The following FBXL7 variants were observed in gnomAD, a reference collection of about 807,000 sequenced individuals.
FBXL7 encodes the protein F-box and leucine rich repeat protein 7.
In FBXL7, 12 loss-of-function variants were observed where a neutral mutation model predicts 38.3. The ratio of observed to expected loss-of-function variants is 0.31; its 90% CI spans 0.20 to 0.51. The LOEUF is 0.51. Ranked by LOEUF, FBXL7 falls within the 20% of genes least tolerant of loss-of-function variation. The probability of loss-of-function intolerance (pLI) is 0.98; values close to 1 mark genes in which losing one functional copy is unlikely to be tolerated. For missense variants in FBXL7, 567 were observed against 676.4 expected (o/e 0.84, Z 1.79); for synonymous variants, 297 against 300.9 (o/e 0.99, Z 0.13).
chr5:15,580,978 A>T (rs1413544605), intron 1 of FBXL7, among the ~76,000 whole-genome samples: 1 of 152,132 alleles, frequency 6.6e-6, no homozygotes, highest in South Asian at 2.1e-4. Flanking sequence ...TTACGCCAAC[A>T]CCAGTCATGG....
At chr5:15,840,648 A>C (rs562260732) in intron 2 of FBXL7, among the ~76,000 whole-genome samples, 2 of 152,066 alleles carry the variant, frequency 1.3e-5, no homozygotes, top group Non-Finnish European at 1.5e-5. Flanking sequence ...AGGGATGGAG[A>C]CCATCCTGGC....
intron 1 of FBXL7, among the ~76,000 whole-genome samples, chr5:15,610,664 T>TGTATCCAACATAGGTATC (rs1488844907): frequency 6.6e-6 from 1 of 152,166 alleles, no homozygotes; most frequent in Non-Finnish European, 1.5e-5. Context: ...GAAGAGCATA[T>TGTATCCAACATAGGTATC]CATGGTATCC....
intron 2 of FBXL7, among the ~76,000 whole-genome samples, chr5:15,870,237 T>A (rs1739896503): frequency 6.6e-6 from 1 of 151,840 alleles, no homozygotes; most frequent in Admixed American, 6.6e-5. Flanking sequence ...TGAGCCAGGG[T>A]TGAGTTTAAA....
intron 2 of FBXL7, among the ~76,000 whole-genome samples, chr5:15,840,972 A>C (rs1214914968): frequency 6.6e-6 from 1 of 152,032 alleles, no homozygotes; most frequent in Admixed American, 6.6e-5. Flanking sequence ...CACACTTACT[A>C]GTCAATTAAG....
intron 2 of FBXL7, among the ~76,000 whole-genome samples, chr5:15,875,457 T>C (rs1740160104): frequency 6.6e-6 from 1 of 151,984 alleles, no homozygotes; most frequent in East Asian, 1.9e-4. Flanking sequence ...ATCATCAGAG[T>C]GAACAGGCAA....
chr5:15,607,650 A>G (rs374388390), intron 1 of FBXL7, among the ~76,000 whole-genome samples: 21 of 152,318 alleles, frequency 1.4e-4, no homozygotes, highest in East Asian at 1.4e-3. Flanking sequence ...CAGACAGCCC[A>G]AGGGAATGCG....
chr5:15,745,743 G>A (rs962524574), intron 2 of FBXL7, among the ~76,000 whole-genome samples: 6 of 152,324 alleles, frequency 3.9e-5, no homozygotes, highest in Admixed American at 2.0e-4. Flanking sequence ...GAGCCAGTAA[G>A]GGTGAGCACA....
At position 15,616,009 on chromosome 5, in the gene FBXL7, G is replaced by C; in HGVS notation, c.64G>C (p.Asp22His). The C allele has an allele frequency of 6.2e-7, 1 of 1,613,298 alleles. No homozygotes were observed. Among genetic ancestry groups the C allele is most frequent in the Non-Finnish European group, 8.5e-7 (1 of 1,179,500 alleles). ...CAAAGGCAGCTCGAGCATCTCATCT[G>C]ACGTGAGTTCAAGTACAGATCACAC... ...EGKGSSSISSDVSSSTDHTPT... is the reference protein window; with the variant it reads ...EGKGSSSISSHVSSSTDHTPT... The change falls in exon 2 of 4, where the codon GAC becomes CAC. Residue 22 changes from aspartate to histidine, a missense_variant. Transcript: ENST00000504595.
chr5:15,799,214 C>T lies in FBXL7; in HGVS notation c.128-128676C>T, dbSNP rs569827088. 3.3e-5 allele frequency among the ~76,000 whole-genome samples: 5 copies of T among 152,152 alleles called. No individual in the cohort carries two copies. The South Asian group carries it at 8.3e-4, about 25-fold the overall frequency. On this transcript the variant is annotated intron_variant, in intron 2 of 3. Coordinates refer to ENST00000504595, the MANE Select transcript of FBXL7 (RefSeq NM_012304.5). Reference sequence around the variant, plus strand: ...GTAAAATGCATGTTGCAATACAAGACAGCTGACTCTAGAGTTCTGTGGATA... The same window carrying T: ...GTAAAATGCATGTTGCAATACAAGATAGCTGACTCTAGAGTTCTGTGGATA...
chr5:15,632,598 G>A (rs1256334596), intron 2 of FBXL7, among the ~76,000 whole-genome samples: 1 of 152,150 alleles, frequency 6.6e-6, no homozygotes, highest in Non-Finnish European at 1.5e-5. Flanking sequence ...ATTCATAGTA[G>A]CAAAGACATA....
At chr5:15,716,097 TCAAA>T (rs372278199) in intron 2 of FBXL7, among the ~76,000 whole-genome samples, 25 of 152,340 alleles carry the variant, frequency 1.6e-4, no homozygotes, top group African/African-American at 5.8e-4. Context: ...GTATATTTCA[TCAAA>T]CAATGTCTAC....
rs188817554 is a variant in FBXL7 at position 15,782,097 on chromosome 5, C to T, written c.128-145793C>T. Among the ~76,000 whole-genome samples the T allele has an allele frequency of 9.9e-4, 151 of 152,198 alleles. 1 individual carries two copies. The highest frequency in any genetic ancestry group is 3.5e-3 in the African/African-American group (146 of 41,530). On this transcript the variant is annotated intron_variant, in intron 2 of 3. Transcript: ENST00000504595. ...ACATGCAGTGTTTGGTTTTCTGCTC[C>T]TTTGTTAGTTTGCTGAGAATGAGGG...
At chr5:15,587,313 G>A (rs556272877) in intron 1 of FBXL7, among the ~76,000 whole-genome samples, 3 of 152,234 alleles carry the variant, frequency 2.0e-5, no homozygotes, top group African/African-American at 7.2e-5. Flanking sequence ...ACTCTGCAGG[G>A]CTGACTCCTT....
Position 15,939,018 on chromosome 5 carries a change from C to T in FBXL7, c.*1832C>T. ...ATGCTGAATTTGTCAAACTTAGACA[C>T]CCTTGACAACTGCACTCCTACTGTA... is the stretch of plus-strand genomic sequence containing the variant. On this transcript the variant is annotated 3_prime_UTR_variant, in exon 4 of 4. Coordinates refer to ENST00000504595, the MANE Select transcript of FBXL7 (RefSeq NM_012304.5). 2 of 399,058 alleles carry T rather than the reference C, an allele frequency of 5.0e-6. No homozygotes were observed. Among genetic ancestry groups the T allele is most frequent in the Non-Finnish European group, 8.8e-6 (2 of 226,060 alleles). 24.7% of individuals were successfully genotyped at this position (399,058 alleles called of 1,614,324 possible).
intron 1 of FBXL7, among the ~76,000 whole-genome samples, chr5:15,527,844 C>G (rs964127042): frequency 6.6e-6 from 1 of 152,170 alleles, no homozygotes; most frequent in Non-Finnish European, 1.5e-5. Flanking sequence ...ACCGAACATA[C>G]CCAATATCTG....
intron 2 of FBXL7, among the ~76,000 whole-genome samples, chr5:15,756,685 T>G (rs923897650): frequency 3.7e-4 from 56 of 152,146 alleles, no homozygotes; most frequent in Admixed American, 3.6e-3. Context: ...AAAAAAGGTG[T>G]CCACAAGTGT....
In FBXL7 at chr5:15,540,015, T is replaced by G. The variant is rs555410963; in HGVS notation, c.37+39302T>G. 2.1e-3 allele frequency among the ~76,000 whole-genome samples: 322 copies of G among 152,284 alleles called. 1 individual carries two copies. The highest frequency in any genetic ancestry group is 7.5e-3 in the African/African-American group (310 of 41,568). On this transcript the variant is annotated intron_variant, in intron 1 of 3. Coordinates refer to ENST00000504595, the MANE Select transcript of FBXL7 (RefSeq NM_012304.5). ...TGTAAAGACGTAAAATAAGTAATTC[T>G]GCCCGATTTGACAGTGGTCACTGGA...
At chr5:15,703,271 T>G (rs1042848994) in intron 2 of FBXL7, among the ~76,000 whole-genome samples, 1 of 152,230 alleles carries the variant, frequency 6.6e-6, no homozygotes, top group Non-Finnish European at 1.5e-5. Context: ...ACATTTTATT[T>G]ACAATATTAT....
At chr5:15,529,330 T>C (rs115952626) in intron 1 of FBXL7, among the ~76,000 whole-genome samples, 2,380 of 152,318 alleles carry the variant, frequency 0.016, 58 homozygotes, top group African/African-American at 0.055. Context: ...GATAGATACC[T>C]GGGTTGATTC....
Sources: allele counts gnomAD v4.1 joint callset (sites outside exome capture counted in the v4.1 genomes callset), GRCh38; gene constraint gnomAD v4.1.1; transcripts MANE v1.5; gene names NCBI Gene and HGNC (gene_info 2026-07-23, HGNC 2026-07-21).